UBQLN1: variants seen among roughly 807,000 people sequenced by gnomAD.
UBQLN1 encodes ubiquilin 1, also known as ubiquilin-1.
In UBQLN1, 13 loss-of-function variants were observed where a neutral mutation model predicts 65.4. The ratio of observed to expected loss-of-function variants is 0.20; its 90% CI spans 0.13 to 0.32. The LOEUF is 0.32. UBQLN1 is among the 10% of genes least tolerant of loss of function. The pLI, the probability that UBQLN1 is intolerant of heterozygous loss-of-function variation, is 1.00. For missense variants in UBQLN1, 561 were observed against 724.0 expected, an observed-to-expected ratio of 0.77 and a Z score of 2.58; for synonymous variants, 267 against 247.8, an observed-to-expected ratio of 1.08 and a Z score of -0.73.
chr9:83,667,837 G>A (rs1831666850), intron 7 of UBQLN1: 1 of 971,604 alleles, frequency 1.0e-6, no homozygotes, highest in African/African-American at 1.8e-5. Context: ...ATTTTAATCT[G>A]CAGATAACAA....
chr9:83,701,024 T>C (rs72746880), intron 1 of UBQLN1, among the ~76,000 whole-genome samples: 21,212 of 152,156 alleles, frequency 0.14, 1,737 homozygotes, highest in Middle Eastern at 0.26. Context: ...TGGCAACTTA[T>C]TGGAGCCACT....
chr9:83,675,153 A>C (rs1397336138), intron 6 of UBQLN1, among the ~76,000 whole-genome samples: 1 of 152,180 alleles, frequency 6.6e-6, no homozygotes, highest in Admixed American at 6.5e-5. Flanking sequence ...CAATATTCTG[A>C]CATGCCTAAC....
chr9:83,698,906 C>T (rs1832265348), intron 1 of UBQLN1, among the ~76,000 whole-genome samples: 1 of 141,404 alleles, frequency 7.1e-6, no homozygotes, highest in Admixed American at 6.9e-5. Flanking sequence ...AAAGTGAGAC[C>T]TGTCTCAAAA....
chr9:83,690,963 C>T (rs567323042), intron 1 of UBQLN1, among the ~76,000 whole-genome samples: 2 of 152,108 alleles, frequency 1.3e-5, no homozygotes, highest in South Asian at 2.1e-4. Context: ...CATGGCAAAA[C>T]CCCGTCTCTG....
chr9:83,669,122 T>G (rs1252793686), intron 7 of UBQLN1, 63 bp downstream of exon 7: 16 of 1,549,542 alleles, frequency 1.0e-5, no homozygotes, highest in Non-Finnish European at 1.4e-5. Context: ...AAAATCACAA[T>G]TACAAGATTA....
rs755072549 is a variant in UBQLN1, at chr9:83,665,023, A to G, written c.1448+7T>C. On this transcript the variant is annotated splice_region_variant and intron_variant, in intron 9 of 10. Coordinates refer to ENST00000376395, the MANE Select transcript of UBQLN1 (RefSeq NM_013438.5). ...ACACTTTCATTATCTTCCCCAAATAAGCCTACCCTGGGATGAGGCCCGGGG... is the reference window on the plus strand; with the variant it reads ...ACACTTTCATTATCTTCCCCAAATAGGCCTACCCTGGGATGAGGCCCGGGG... 1 of 1,594,108 alleles carries G rather than the reference A, an allele frequency of 6.3e-7. No individual in the cohort carries two copies. The highest frequency in any genetic ancestry group is 1.4e-5 in the African/African-American group (1 of 74,056).
chr9:83,693,202 T>A (rs1320372023), intron 1 of UBQLN1, among the ~76,000 whole-genome samples: 1 of 151,952 alleles, frequency 6.6e-6, no homozygotes, highest in African/African-American at 2.4e-5. Flanking sequence ...GATTTCAAAA[T>A]GAACCCAGCA....
chr9:83,669,038 G>A (rs768288422), intron 7 of UBQLN1, 147 bp downstream of exon 7: 12 of 878,358 alleles, frequency 1.4e-5, no homozygotes, highest in South Asian at 6.8e-5. Context: ...AGAAACACAC[G>A]GTCTAAAAAA....
rs1240631415 is a variant in UBQLN1 at position 83,661,852 on chromosome 9, G to A, written c.1705C>T (p.Leu569=). Residue 569 remains leucine (L), a synonymous_variant, in exon 11 of 11, where the codon CTA becomes TTA. Coordinates refer to ENST00000376395, the MANE Select transcript of UBQLN1 (RefSeq NM_013438.5). ...TTGATATCACCTCCTGTTGCTATTA[G>A]AGCTTGCAAGTTTGCTTCACGGTTC... ...FLNREANLQA[L]IATGGDINAA... 3 of 1,613,886 alleles carry A rather than the reference G, an allele frequency of 1.9e-6. No homozygotes were observed. The highest frequency in any genetic ancestry group is 2.2e-5 in the East Asian group (1 of 44,862).
At chr9:83,676,676 T>C (rs1295611324) in intron 6 of UBQLN1, among the ~76,000 whole-genome samples, 1 of 152,242 alleles carries the variant, frequency 6.6e-6, no homozygotes, top group African/African-American at 2.4e-5. Context: ...ATTCTGATTC[T>C]TCTTTCAGCA....
intron 4 of UBQLN1, among the ~76,000 whole-genome samples, chr9:83,678,804 C>A (rs962211618): frequency 6.6e-6 from 1 of 152,158 alleles, no homozygotes; most frequent in African/African-American, 2.4e-5. Flanking sequence ...GCAAGCTCCG[C>A]CTCCCGGGTT....
In UBQLN1 at chr9:83,707,520, C is replaced by T. The variant is rs749892263; in HGVS notation, c.160G>A (p.Glu54Lys). ...CTCACCTGCTGGACGGAGCTATTCT[C>T]GGGCACGGCGAATTCCTCCTTTTCC... ...PKEKEEFAVP[E>K]NSSVQQFKEE... The change falls in exon 1 of 11, where the codon GAG becomes AAG. Residue 54 changes from glutamate to lysine, a missense_variant. By Grantham distance (56) the Glu-to-Lys change is moderately conservative. Coordinates refer to ENST00000376395, the MANE Select transcript of UBQLN1 (RefSeq NM_013438.5). The T allele has an allele frequency of 1.9e-6, 3 of 1,610,776 alleles. No individual in the cohort carries two copies. The highest frequency in any genetic ancestry group is 1.7e-5 in the Admixed American group (1 of 59,920).
intron 7 of UBQLN1, chr9:83,668,761 T>C (rs957810217): frequency 4.6e-6 from 2 of 430,908 alleles, no homozygotes; most frequent in African/African-American, 4.3e-5. Flanking sequence ...AATGCTATTT[T>C]ACAACTGCCA....
At chr9:83,682,918 C>T in intron 3 of UBQLN1, 33 bp downstream of exon 3, 2 of 1,276,248 alleles carry the variant, frequency 1.6e-6, no homozygotes, top group Non-Finnish European at 1.1e-6. Flanking sequence ...AGTATTTTTT[C>T]CCATCCCTAC....
chr9:83,685,861 A>C (rs1356353239), intron 2 of UBQLN1, 143 bp downstream of exon 2: 1 of 693,682 alleles, frequency 1.4e-6, no homozygotes, highest in Non-Finnish European at 2.2e-6. Flanking sequence ...CTTTTTAAAA[A>C]AATTGTTATC....
At chr9:83,695,422 A>C (rs1364613248) in intron 1 of UBQLN1, among the ~76,000 whole-genome samples, 1 of 151,070 alleles carries the variant, frequency 6.6e-6, no homozygotes, top group Non-Finnish European at 1.5e-5. Context: ...CTGGTCTTGA[A>C]CTCCTGACCT....
At chr9:83,676,825 C>T (rs1831840710) in intron 6 of UBQLN1, among the ~76,000 whole-genome samples, 1 of 152,174 alleles carries the variant, frequency 6.6e-6, no homozygotes, top group South Asian at 2.1e-4. Context: ...TACTTATACG[C>T]CAAGTATTAG....
At chr9:83,667,334 T>A (rs189827475) in intron 7 of UBQLN1, 96 of 198,894 alleles carry the variant, frequency 4.8e-4, no homozygotes, top group Middle Eastern at 5.0e-3. Context: ...AACAAGGATT[T>A]ACTGATAGCC....
At chr9:83,678,061 A>T (rs950006206) in intron 5 of UBQLN1, 100 bp from the exon 6 acceptor site, 19 of 964,656 alleles carry the variant, frequency 2.0e-5, no homozygotes, top group Non-Finnish European at 2.8e-5. Flanking sequence ...TCGCTCTGTG[A>T]CCCAGGCTGG....
Sources: gnomAD v4.1 joint callset for allele counts (sites outside exome capture counted in the v4.1 genomes callset) on GRCh38, gnomAD v4.1.1 for gene constraint, MANE v1.5 for transcripts, NCBI Gene and HGNC (gene_info 2026-07-23, HGNC 2026-07-21) for gene names.